Variants in ABCA7 observed in about 807,000 individuals in gnomAD.
ABCA7 encodes phospholipid-transporting ATPase ABCA7.
A neutral mutation model predicts 227.6 loss-of-function variants in ABCA7; 261 were observed. The ratio of observed to expected loss-of-function variants is 1.15; its 90% CI spans 1.04 to 1.27. The LOEUF is 1.27. Ranked by LOEUF, ABCA7 falls within the 50% of genes most tolerant of loss-of-function variation. The probability of loss-of-function intolerance (pLI) is 0.00; values close to 1 mark genes in which losing one functional copy is unlikely to be tolerated. For synonymous variants in ABCA7, 1,488 were observed against 1,279.7 expected, an observed-to-expected ratio of 1.16 and a Z score of -3.47; for missense variants, 3,331 against 2,924.5, an observed-to-expected ratio of 1.14 and a Z score of -3.21.
chr19:1,043,740 G>A lies in ABCA7; in HGVS notation c.946G>A (p.Glu316Lys), dbSNP rs148427350. 87 of 1,612,936 alleles carry A rather than the reference G, an allele frequency of 5.4e-5. 2 individuals carry two copies. In the East Asian group the frequency reaches 1.8e-3, roughly 33 times the overall value. Residue 316 changes from glutamate (E) to lysine (K), a missense_variant, in exon 10 of 47, where the codon GAG (glutamate) becomes AAG (lysine). Physicochemically the swap from Glu to Lys is moderately conservative, Grantham distance 56 (BLOSUM62 1). Transcript: ENST00000263094. The stretch of plus-strand genomic sequence containing the variant: ...CTGTCCACAGGTGAACCGGACCTTC[G>A]AGGAGCTCACCCTGCTGAGGGATGT... ...KLMAQVNRTF[E>K]ELTLLRDVRE...
chr19:1,059,598 C>G (rs530213263), intron 40 of ABCA7, among the ~76,000 whole-genome samples: 7 of 149,968 alleles, frequency 4.7e-5, no homozygotes, highest in Admixed American at 6.7e-5. Flanking sequence ...GAGTCTCACT[C>G]TGTCGCCCAG....
At position 1,052,198 on chromosome 19, in the gene ABCA7, G is replaced by A; in HGVS notation, c.3148-16G>A. ...AGCCCTGAAGGCCAAGCCACTTGGT[G>A]CCTCTCTGCCCGCAGGCTGACACTG... On this transcript the variant is annotated splice_polypyrimidine_tract_variant and intron_variant, in intron 22 of 46. Coordinates refer to ENST00000263094, the MANE Select transcript of ABCA7 (RefSeq NM_019112.4). 1.3e-6 allele frequency: 2 copies of A among 1,597,580 alleles called. No individual in the cohort carries two copies. The highest frequency in any genetic ancestry group is 1.7e-6 in the Non-Finnish European group (2 of 1,173,386).
chr19:1,054,879 G>A lies in ABCA7; in HGVS notation c.3950+1G>A. The A allele has an allele frequency of 1.3e-6, 2 of 1,556,104 alleles. No individual in the cohort carries two copies. Among genetic ancestry groups the A allele is most frequent in the Non-Finnish European group, 1.7e-6 (2 of 1,149,776 alleles). On this transcript the variant is annotated splice_donor_variant, in intron 29 of 46. Transcript: ENST00000263094. LOFTEE classifies it high-confidence loss of function. This position sits in a 1 kb window ranked among gnomAD's most constrained non-coding sequence, Gnocchi z 4.8. The stretch of plus-strand genomic sequence containing the variant: ...CCCCAGTGCAGCATAGCTCCCACAG[G>A]TGAGGCGTCTTGTTGGCCTGGACCT...
Position 1,061,762 on chromosome 19 carries a change from A to G in ABCA7, c.5464-20A>G. The G allele has an allele frequency of 6.2e-7, 1 of 1,608,626 alleles. No homozygotes were observed. Among genetic ancestry groups the G allele is most frequent in the Non-Finnish European group, 8.5e-7 (1 of 1,176,996 alleles). On this transcript the variant is annotated intron_variant, in intron 40 of 46. Coordinates refer to ENST00000263094, the MANE Select transcript of ABCA7 (RefSeq NM_019112.4). ...AGGGCCTGGGGCCTCACTGAGCACC[A>G]TCTGTGGGCATCCCTGTAGTGTTTT...
chr19:1,057,626 G>A (rs1320479808), intron 35 of ABCA7, among the ~76,000 whole-genome samples, 197 bp downstream of exon 35: 1 of 152,106 alleles, frequency 6.6e-6, no homozygotes, highest in Non-Finnish European at 1.5e-5. Context: ...TATTAGTAGA[G>A]TTCTAAGGCA....
chr19:1,053,232 G>C, intron 23 of ABCA7, 97 bp from the exon 24 acceptor site: 2 of 1,298,948 alleles, frequency 1.5e-6, no homozygotes, highest in South Asian at 1.4e-5. Flanking sequence ...TCTGTCTGCC[G>C]GGACAGTCCC....
rs1358124222 is a variant in ABCA7 at position 1,054,477 on chromosome 19, G to T, written c.3727-93G>T. ...AAAGCACATTTATTGAGGGCACTGG[G>T]GAGCCATGGGTGGTTGTAGAGCAGG... On this transcript the variant is annotated intron_variant, in intron 27 of 46. Coordinates refer to ENST00000263094, the MANE Select transcript of ABCA7 (RefSeq NM_019112.4). The surrounding 1 kb of genome is among the most constrained non-coding windows in gnomAD (Gnocchi z 4.8). The T allele has an allele frequency of 2.2e-5, 34 of 1,568,438 alleles. No individual in the cohort carries two copies. The highest frequency in any genetic ancestry group is 2.8e-5 in the Non-Finnish European group (32 of 1,157,056).
chr19:1,051,984 A>G lies in ABCA7; in HGVS notation c.3005A>G (p.Glu1002Gly). 6.2e-7 allele frequency: 1 copy of G among 1,612,178 alleles called. No homozygotes were observed. Among genetic ancestry groups the G allele is most frequent in the South Asian group, 1.1e-5 (1 of 91,058 alleles). The change falls in exon 22 of 47, where the codon GAG becomes GGG. Residue 1002 changes from glutamate to glycine, a missense_variant. By Grantham distance (98) the Glu-to-Gly change is moderately conservative. Coordinates refer to ENST00000263094, the MANE Select transcript of ABCA7 (RefSeq NM_019112.4). ...ILSTHHLDEA[E>G]LLGDRVAVVA... Reference sequence around the variant, plus strand: ...TCCACCCACCACCTGGATGAGGCAGAGCTGCTGGGAGACCGTGTGGCCGTG... The same window carrying G: ...TCCACCCACCACCTGGATGAGGCAGGGCTGCTGGGAGACCGTGTGGCCGTG...
intron 40 of ABCA7, among the ~76,000 whole-genome samples, chr19:1,061,117 C>T (rs1021919906): frequency 1.1e-4 from 17 of 152,214 alleles, no homozygotes; most frequent in African/African-American, 3.4e-4. Context: ...GGTGCTGAGG[C>T]CAGGCGTGGT....
At chr19:1,060,660 C>T (rs1260869224) in intron 40 of ABCA7, among the ~76,000 whole-genome samples, 1 of 151,948 alleles carries the variant, frequency 6.6e-6, no homozygotes, top group Non-Finnish European at 1.5e-5. Flanking sequence ...GCTGGGATTA[C>T]AGGCGCCCGC....
rs1294200554 is a variant in ABCA7 at position 1,056,860 on chromosome 19, AC to A, written c.4587-44del. ...GGCGTGTTCAGCTCTGCTCTGAGCA[AC>A]CCATGCACCCTCACCCTACAACAGC... On this transcript the variant is annotated intron_variant, in intron 33 of 46. Transcript: ENST00000263094. The surrounding 1 kb of genome is among the most constrained non-coding windows in gnomAD (Gnocchi z 4.3). 5 of 1,582,888 alleles carry A rather than the reference AC, an allele frequency of 3.2e-6. No homozygotes were observed.
rs1267577819 is a variant in ABCA7, at chr19:1,063,834, G to A, written c.5922G>A (p.Glu1974=). 2.6e-6 allele frequency: 4 copies of A among 1,541,806 alleles called. No homozygotes were observed. The highest frequency in any genetic ancestry group is 2.4e-5 in the South Asian group (2 of 83,998). ...LWNSLLAVVR[E]GRSVMLTSHS... ...ACAGCCTTTTGGCCGTGGTGCGGGA[G>A]GGCCGTTCAGTGATGCTCACCTCCC... is the stretch of plus-strand genomic sequence containing the variant. The change falls in exon 44 of 47, where the codon GAG becomes GAA. Residue 1974 remains glutamate (E), a synonymous_variant. Coordinates refer to ENST00000263094, the MANE Select transcript of ABCA7 (RefSeq NM_019112.4).
At chr19:1,057,820 G>C (rs1467825363) in intron 35 of ABCA7, 95 bp from the exon 36 acceptor site, 1 of 1,445,656 alleles carries the variant, frequency 6.9e-7, no homozygotes, top group Admixed American at 2.2e-5. Context: ...AAAATGTCAA[G>C]GTCTAAGGCA....
Position 1,049,280 on chromosome 19 carries a change from G to A in ABCA7, c.2395G>A (p.Ala799Thr), listed in dbSNP as rs748352165. Reference sequence around the variant, plus strand: ...CATCTCTGCAGTGCTGGTAGAAGAGGCACCGCCCGGCCTGAGTCCTGGCGT... The same window carrying A: ...CATCTCTGCAGTGCTGGTAGAAGAGACACCGCCCGGCCTGAGTCCTGGCGT... Reference protein sequence around the residue: ...PLDPKVLVEEAPPGLSPGVSV... With the variant: ...PLDPKVLVEETPPGLSPGVSV... Residue 799 changes from alanine to threonine, a missense_variant, in exon 18 of 47, where the codon GCA becomes ACA. By Grantham distance (58) the Ala-to-Thr change is moderately conservative. Transcript: ENST00000263094. The A allele has an allele frequency of 6.2e-7, 1 of 1,606,812 alleles. No homozygotes were observed. The highest frequency in any genetic ancestry group is 1.1e-5 in the South Asian group (1 of 90,566).
intron 40 of ABCA7, among the ~76,000 whole-genome samples, chr19:1,060,201 A>ATTTT (rs2042562100): frequency 2.0e-5 from 1 of 49,612 alleles, no homozygotes; most frequent in African/African-American, 7.3e-5. Flanking sequence ...TGCAGTATAT[A>ATTTT]TATATATTTT....
chr19:1,047,508 A>T lies in ABCA7; in HGVS notation c.2123A>T (p.Glu708Val), dbSNP rs2040825055. ...GGCTGCGAGAGCCTGGCTCTGCTGG[A>T]GGAGCAGGGCGAGGGCGCGCAGTGG... ...GFGCESLALL[E>V]EQGEGAQWHN... The change falls in exon 16 of 47, where the codon GAG becomes GTG. Residue 708 changes from glutamate (E) to valine (V), a missense_variant. Glu to Val is a moderately radical substitution (Grantham distance 121). Transcript: ENST00000263094. The T allele has an allele frequency of 6.3e-7, 1 of 1,584,622 alleles. No homozygotes were observed. Among genetic ancestry groups the T allele is most frequent in the African/African-American group, 1.3e-5 (1 of 74,618 alleles).
chr19:1,059,301 G>C (rs1460684636), intron 40 of ABCA7: 1 of 194,860 alleles, frequency 5.1e-6, no homozygotes, highest in Admixed American at 6.5e-5. Context: ...GTCTCACTCT[G>C]TCTCCCAGGC....
intron 16 of ABCA7, among the ~76,000 whole-genome samples, chr19:1,048,191 T>TA (rs35966146): frequency 0.047 from 4,776 of 101,372 alleles, 146 homozygotes; most frequent in South Asian, 0.18. Context: ...TCCATCTCTT[T>TA]AAAAAAAAAA....
Position 1,045,044 on chromosome 19 carries a change from G to A in ABCA7, c.1258G>A (p.Ala420Thr). 6.2e-7 allele frequency: 1 copy of A among 1,612,858 alleles called. No homozygotes were observed. Among genetic ancestry groups the A allele is most frequent in the Non-Finnish European group, 8.5e-7 (1 of 1,179,978 alleles). The part of the protein sequence containing the change: ...DKLEAAPSEA[A>T]LVSRALQLLA... ...GCTGGAGGCGGCACCCTCAGAGGCAGCCCTGGTGTCGCGGGCCCTGCAACT... is the reference window on the plus strand; with the variant it reads ...GCTGGAGGCGGCACCCTCAGAGGCAACCCTGGTGTCGCGGGCCCTGCAACT... Residue 420 changes from alanine to threonine, a missense_variant, in exon 12 of 47, where the codon GCC becomes ACC. Physicochemically the swap from Ala to Thr is moderately conservative, Grantham distance 58. Coordinates refer to ENST00000263094, the MANE Select transcript of ABCA7 (RefSeq NM_019112.4).
Sources: gnomAD v4.1 joint callset for allele counts (sites outside exome capture counted in the v4.1 genomes callset) on GRCh38, gnomAD v4.1.1 for gene constraint, Gnocchi (gnomAD v3.1) non-coding constraint, MANE v1.5 for transcripts, NCBI Gene and HGNC (gene_info 2026-07-23, HGNC 2026-07-21) for gene names.